EML6: variants seen among roughly 807,000 people sequenced by gnomAD.
EML6 encodes the protein echinoderm microtubule-associated protein-like 6.
EML6 carries 154 observed loss-of-function variants against 240.1 expected under a neutral mutation model. The ratio of observed to expected loss-of-function variants is 0.64; its 90% CI spans 0.56 to 0.73. The LOEUF is 0.73. EML6 is among the 30% of genes least tolerant of loss of function. The pLI is 0.00. For synonymous variants in EML6, 1,148 were observed against 899.0 expected, an observed-to-expected ratio of 1.28 and a Z score of -4.95; for missense variants, 2,964 against 2,474.6, an observed-to-expected ratio of 1.20 and a Z score of -4.20.
intron 13 of EML6, among the ~76,000 whole-genome samples, chr2:54,865,317 T>G (rs1441109905): frequency 2.3e-5 from 1 of 43,470 alleles, no homozygotes; most frequent in African/African-American, 9.5e-5. Context: ...AGTCTCTGTA[T>G]CTACAAAAAA....
At chr2:54,757,700 C>G (rs569621981) in intron 2 of EML6, among the ~76,000 whole-genome samples, 5 of 152,164 alleles carry the variant, frequency 3.3e-5, no homozygotes, top group Admixed American at 3.3e-4. Context: ...ACTTTCACCC[C>G]CTCCCTCCAC....
intron 2 of EML6, among the ~76,000 whole-genome samples, chr2:54,766,274 C>T (rs889413640): frequency 6.6e-6 from 1 of 152,144 alleles, no homozygotes; most frequent in African/African-American, 2.4e-5. Flanking sequence ...CCAATAATGT[C>T]CTTCAGAGCA....
intron 7 of EML6, among the ~76,000 whole-genome samples, chr2:54,839,007 G>C (rs576052640): frequency 3.7e-4 from 56 of 152,318 alleles, no homozygotes; most frequent in African/African-American, 1.1e-3. Flanking sequence ...CTGACTCCCA[G>C]AGCAGAATAG....
intron 2 of EML6, among the ~76,000 whole-genome samples, chr2:54,800,440 T>C (rs1670069105): frequency 6.6e-6 from 1 of 152,140 alleles, no homozygotes; most frequent in South Asian, 2.1e-4. Flanking sequence ...TATATATATT[T>C]TGGGGTACCT....
At chr2:54,791,760 C>T (rs1377510648) in intron 2 of EML6, among the ~76,000 whole-genome samples, 1 of 152,084 alleles carries the variant, frequency 6.6e-6, no homozygotes, top group East Asian at 1.9e-4. Context: ...TCCACCCTAC[C>T]GTTTGCCCTC....
At chr2:54,810,393 T>A (rs2567843) in intron 2 of EML6, among the ~76,000 whole-genome samples, 127,038 of 152,180 alleles carry the variant, frequency 0.83, 53,150 homozygotes, top group Middle Eastern at 0.89. Flanking sequence ...GAAATCTGTT[T>A]ATTCCATTCC....
chr2:54,724,675 G>C lies in EML6; in HGVS notation c.-387G>C, dbSNP rs1195009570. 1 of 152,276 alleles carries C rather than the reference G, an allele frequency of 6.6e-6. No individual in the cohort carries two copies. The highest frequency in any genetic ancestry group is 2.4e-5 in the African/African-American group (1 of 41,434). The allele number at this position is 152,276 out of a possible 1,614,324, so 9.4% of individuals were successfully genotyped here. A position where few individuals can be genotyped will look rare whatever the true frequency, so the allele number is the denominator to read the frequency against. On this transcript the variant is annotated 5_prime_UTR_variant, in exon 2 of 42. Coordinates refer to ENST00000356458, the MANE Select transcript of EML6 (RefSeq NM_001039753.4). This position sits in a 1 kb window ranked among gnomAD's most constrained non-coding sequence, Gnocchi z 5.2. Reference sequence around the variant, plus strand: ...CCCGGCGCACCGCAAACTTCAGTGAGCGAACTGGGTGATCGCTGTTGGGAT... The same window carrying C: ...CCCGGCGCACCGCAAACTTCAGTGACCGAACTGGGTGATCGCTGTTGGGAT...
chr2:54,768,691 A>G (rs1668288128), intron 2 of EML6, among the ~76,000 whole-genome samples: 1 of 152,172 alleles, frequency 6.6e-6, no homozygotes, highest in East Asian at 1.9e-4. Flanking sequence ...TGGGCAAGCC[A>G]TTATCTCCTC....
intron 26 of EML6, among the ~76,000 whole-genome samples, chr2:54,923,677 G>A (rs1164018557): frequency 6.6e-6 from 1 of 152,026 alleles, no homozygotes; most frequent in Non-Finnish European, 1.5e-5. Flanking sequence ...TAAATGTTCA[G>A]TGTTCCATTT....
chr2:54,806,545 G>A (rs554634771), intron 2 of EML6, among the ~76,000 whole-genome samples: 3 of 147,998 alleles, frequency 2.0e-5, no homozygotes, highest in Admixed American at 6.9e-5. Context: ...CCTGGGAGGC[G>A]GAGGTTGCAG....
chr2:54,764,763 C>T (rs927964437), intron 2 of EML6, among the ~76,000 whole-genome samples: 1 of 152,190 alleles, frequency 6.6e-6, no homozygotes, highest in African/African-American at 2.4e-5. Context: ...GGAAATGGGG[C>T]AGCAAAAGGC....
intron 4 of EML6, 69 bp from the exon 5 acceptor site, chr2:54,820,325 G>C: frequency 1.2e-6 from 1 of 851,456 alleles, no homozygotes; most frequent in Non-Finnish European, 1.9e-6. Context: ...CTTGGCAATT[G>C]GACTAGTATT....
Position 54,950,688 on chromosome 2 carries a change from C to G in EML6, c.4122C>G (p.Phe1374Leu), listed in dbSNP as rs115132941. 31 of 1,551,480 alleles carry G rather than the reference C, an allele frequency of 2.0e-5. No individual in the cohort carries two copies. In the African/African-American group the frequency reaches 3.8e-4, roughly 19 times the overall value. Residue 1374 changes from phenylalanine (F) to leucine (L), a missense_variant, in exon 30 of 42, where the codon TTC becomes TTG. Coordinates refer to ENST00000356458, the MANE Select transcript of EML6 (RefSeq NM_001039753.4). The stretch of plus-strand genomic sequence containing the variant: ...ACCACGTGTTTGGCTACAGAGGTTT[C>G]GACTGTCGAAATAACCTGCATTACC... ...ALDHVFGYRGFDCRNNLHYLN... is the reference protein window; with the variant it reads ...ALDHVFGYRGLDCRNNLHYLN...
chr2:54,931,291 T>C (rs1674851352), intron 28 of EML6, among the ~76,000 whole-genome samples: 1 of 152,070 alleles, frequency 6.6e-6, no homozygotes, highest in Non-Finnish European at 1.5e-5. Context: ...AAATAGAACA[T>C]TGCCAGGCAA....
intron 11 of EML6, among the ~76,000 whole-genome samples, chr2:54,858,284 A>G (rs1670495783): frequency 6.6e-6 from 1 of 152,240 alleles, no homozygotes; most frequent in Non-Finnish European, 1.5e-5. Flanking sequence ...AGTACCTTTT[A>G]TAACCTCCTC....
intron 9 of EML6, 81 bp from the exon 10 acceptor site, chr2:54,849,880 CT>C: frequency 8.6e-7 from 1 of 1,161,022 alleles, no homozygotes; most frequent in Non-Finnish European, 1.2e-6. Context: ...CAACACACTT[CT>C]TTTTCTGACA....
chr2:54,920,007 A>G (rs1226384650), intron 26 of EML6, among the ~76,000 whole-genome samples: 1 of 152,242 alleles, frequency 6.6e-6, no homozygotes. Flanking sequence ...AGAGAATAAT[A>G]TAGTGAACTA....
At chr2:54,937,859 G>T (rs7587084) in intron 28 of EML6, among the ~76,000 whole-genome samples, 46,612 of 151,762 alleles carry the variant, frequency 0.31, 7,426 homozygotes, top group Non-Finnish European at 0.33. Context: ...AATCATTATG[G>T]AATCTCTGAC....
chr2:54,924,864 C>A (rs574527147), intron 26 of EML6, among the ~76,000 whole-genome samples: 14 of 152,234 alleles, frequency 9.2e-5, no homozygotes, highest in Non-Finnish European at 2.1e-4. Flanking sequence ...CACCCAGCCT[C>A]TTCTTTTTTT....
Sources: allele counts gnomAD v4.1 joint callset (sites outside exome capture counted in the v4.1 genomes callset), GRCh38; gene constraint gnomAD v4.1.1; non-coding constraint Gnocchi (gnomAD v3.1); transcripts MANE v1.5; gene names NCBI Gene and HGNC (gene_info 2026-07-23, HGNC 2026-07-21).